The following PPM1D variants were observed in gnomAD, a reference collection of about 807,000 sequenced individuals.
The protein encoded by PPM1D is protein phosphatase, Mg2+/Mn2+ dependent 1D, also known as protein phosphatase 1D.
In PPM1D, 52 loss-of-function variants were observed where a neutral mutation model predicts 58.3. That is an observed-to-expected ratio of 0.89 (90% CI 0.71 to 1.12). PPM1D has a LOEUF of 1.12. Among genes scored for constraint, PPM1D ranks in the 50% most tolerant of loss-of-function variants. The pLI is 0.00. For missense variants in PPM1D, 564 were observed against 777.2 expected (o/e 0.73, Z 3.26); for synonymous variants, 278 against 285.1 (o/e 0.98, Z 0.25).
At chr17:60,631,473 T>A (rs1175899826) in intron 2 of PPM1D, among the ~76,000 whole-genome samples, 1 of 151,942 alleles carries the variant, frequency 6.6e-6, no homozygotes, top group Non-Finnish European at 1.5e-5. Context: ...ACCCCGTCTC[T>A]ACTAAAAATA....
At chr17:60,651,119 G>A (rs369472236) in intron 4 of PPM1D, among the ~76,000 whole-genome samples, 1 of 152,126 alleles carries the variant, frequency 6.6e-6, no homozygotes, top group African/African-American at 2.4e-5. Flanking sequence ...GTGAGCTGAG[G>A]GAAAAATATA....
Position 60,600,313 on chromosome 17 carries a change from T to G in PPM1D, c.-102T>G. 2.1e-6 allele frequency: 3 copies of G among 1,448,970 alleles called. No homozygotes were observed. The highest frequency in any genetic ancestry group is 2.7e-5 in the East Asian group (1 of 36,958). The allele number at this position is 1,448,970 out of a possible 1,614,324, so 89.8% of individuals were successfully genotyped here. A position where few individuals can be genotyped will look rare whatever the true frequency, so the allele number is the denominator to read the frequency against. ...GTCCGCCCCCTCCCCCTTCTCGGCG[T>G]CGTCGAAGATAAACAATAGTTGGCC... On this transcript the variant is annotated 5_prime_UTR_variant, in exon 1 of 6. Transcript: ENST00000305921.
At chr17:60,628,627 T>G (rs1255794401) in intron 2 of PPM1D, among the ~76,000 whole-genome samples, 1 of 152,206 alleles carries the variant, frequency 6.6e-6, no homozygotes, top group African/African-American at 2.4e-5. Flanking sequence ...ATGCATGACT[T>G]TTTAATATAT....
chr17:60,623,503 T>C lies in PPM1D; in HGVS notation c.473-18T>C, dbSNP rs1240796786. On this transcript the variant is annotated intron_variant, in intron 1 of 5. Coordinates refer to ENST00000305921, the MANE Select transcript of PPM1D (RefSeq NM_003620.4). ...TGTTTATACTTGCAAGAGTGAAATA[T>C]TTTATTTCTTATTACAGCGGAATGG... 1 of 1,593,294 alleles carries C rather than the reference T, an allele frequency of 6.3e-7. No homozygotes were observed. The highest frequency in any genetic ancestry group is 1.7e-5 in the Admixed American group (1 of 58,150).
chr17:60,621,377 A>G (rs1233183848), intron 1 of PPM1D, among the ~76,000 whole-genome samples: 1 of 151,078 alleles, frequency 6.6e-6, no homozygotes, highest in Admixed American at 6.6e-5. Flanking sequence ...TCCCTACCTC[A>G]GAGTTTTGTT....
intron 1 of PPM1D, among the ~76,000 whole-genome samples, chr17:60,620,905 T>C (rs1453698145): frequency 6.6e-6 from 1 of 152,112 alleles, no homozygotes; most frequent in East Asian, 1.9e-4. Context: ...TTTGTGCTTT[T>C]TGTTTTTCTT....
intron 2 of PPM1D, among the ~76,000 whole-genome samples, chr17:60,632,709 G>A (rs1598406379): frequency 6.6e-6 from 1 of 152,258 alleles, no homozygotes; most frequent in South Asian, 2.1e-4. Context: ...AAATTAGGCA[G>A]GCGTGGTGGC....
Position 60,660,226 on chromosome 17 carries a change from C to CT in PPM1D, c.1261-2767dup, listed in dbSNP as rs561243808. Reference sequence around the variant, plus strand: ...TGGTGGGTGCCTGTGATCCCAGCTACTTGGGAGGCTGAGGCAGGAGAATCG... The same window carrying CT: ...TGGTGGGTGCCTGTGATCCCAGCTACTTTGGGAGGCTGAGGCAGGAGAATCG... On this transcript the variant is annotated intron_variant, in intron 5 of 5. Transcript: ENST00000305921. 3.8e-4 allele frequency among the ~76,000 whole-genome samples: 58 copies of CT among 152,092 alleles called. No homozygotes were observed. In the East Asian group the frequency reaches 9.7e-3, roughly 25 times the overall value.
Position 60,661,247 on chromosome 17 carries a change from G to T in PPM1D, c.1261-1748G>T, listed in dbSNP as rs926585884. On this transcript the variant is annotated intron_variant, in intron 5 of 5. Transcript: ENST00000305921. The stretch of plus-strand genomic sequence containing the variant: ...AAAAAAAAAAAAAAAAAAAGGAAAG[G>T]TGTTTATTTATAGGAGATTTTATTT... Among the ~76,000 whole-genome samples, 7 of 150,386 alleles carry T rather than the reference G, an allele frequency of 4.7e-5. 1 individual carries two copies. The South Asian group carries it at 1.3e-3, about 27-fold the overall frequency.
At chr17:60,639,435 C>CTTCTTCTTCTTT (rs1030498711) in intron 3 of PPM1D, among the ~76,000 whole-genome samples, 7 of 150,962 alleles carry the variant, frequency 4.6e-5, no homozygotes, top group African/African-American at 1.5e-4. Context: ...TTTAATTCTT[C>CTTCTTCTTCTTT]TTCTTCTTCT....
intron 3 of PPM1D, among the ~76,000 whole-genome samples, chr17:60,640,683 C>T (rs76334881): frequency 0.05 from 7,622 of 152,092 alleles, 250 homozygotes; most frequent in Non-Finnish European, 0.073. Flanking sequence ...TCATGTCTTC[C>T]TCCTTCTCTC....
chr17:60,617,856 T>C (rs1363738783), intron 1 of PPM1D, among the ~76,000 whole-genome samples: 2 of 152,192 alleles, frequency 1.3e-5, no homozygotes, highest in Admixed American at 6.5e-5. Flanking sequence ...CACCATCCAG[T>C]TAGGAAAGAA....
chr17:60,604,656 G>C (rs1160345114), intron 1 of PPM1D: 1 of 152,048 alleles, frequency 6.6e-6, no homozygotes, highest in Non-Finnish European at 1.5e-5. Context: ...TACTCCAGAG[G>C]CTGAGATGGA....
At chr17:60,602,891 TGTAAA>T (rs563796259) in intron 1 of PPM1D, among the ~76,000 whole-genome samples, 14 of 152,196 alleles carry the variant, frequency 9.2e-5, no homozygotes, top group Non-Finnish European at 1.9e-4. Flanking sequence ...CCACATTTTC[TGTAAA>T]GTAAACTGTA....
At chr17:60,623,821 A>G in intron 2 of PPM1D, 72 bp downstream of exon 2, 2 of 1,431,726 alleles carry the variant, frequency 1.4e-6, no homozygotes. Flanking sequence ...AATGAAATTG[A>G]CCTACTACTG....
At chr17:60,610,423 A>G (rs1285998955) in intron 1 of PPM1D, among the ~76,000 whole-genome samples, 1 of 152,190 alleles carries the variant, frequency 6.6e-6, no homozygotes, top group African/African-American at 2.4e-5. Flanking sequence ...ATATACCAAT[A>G]TTGTGCTCAT....
At chr17:60,643,883 CTTTTTTTTTTTT>C (rs71148308) in intron 3 of PPM1D, among the ~76,000 whole-genome samples, 60 of 97,748 alleles carry the variant, frequency 6.1e-4, no homozygotes, top group African/African-American at 2.3e-3. Flanking sequence ...CTTTTCTTTT[CTTTTTTTTTTTT>C]TTTTTTTTTG....
At chr17:60,640,368 A>G (rs1348364115) in intron 3 of PPM1D, among the ~76,000 whole-genome samples, 2 of 152,222 alleles carry the variant, frequency 1.3e-5, no homozygotes, top group Non-Finnish European at 1.5e-5. Flanking sequence ...CAGAGTTGGA[A>G]TGGGAAACAT....
chr17:60,648,111 G>A, intron 4 of PPM1D, 29 bp downstream of exon 4: 1 of 1,581,646 alleles, frequency 6.3e-7, no homozygotes. Flanking sequence ...ACTTGATATT[G>A]TTGTCTAAAC....
Sources: allele counts gnomAD v4.1 joint callset (sites outside exome capture counted in the v4.1 genomes callset), GRCh38; gene constraint gnomAD v4.1.1; transcripts MANE v1.5; gene names NCBI Gene and HGNC (gene_info 2026-07-23, HGNC 2026-07-21).